TNS1: variants seen among roughly 807,000 people sequenced by gnomAD.
TNS1 encodes the protein tensin-1.
Under a neutral mutation model 168.6 loss-of-function variants are expected in TNS1, and 62 were observed. That is an observed-to-expected ratio of 0.37 (90% CI 0.30 to 0.45). The LOEUF (loss-of-function observed/expected upper bound fraction) is 0.45, where lower values mean the gene tolerates loss of function less well. TNS1 is among the 20% of genes least tolerant of loss of function. The pLI is 1.00. For missense variants in TNS1, 2,240 were observed against 2,339.4 expected (o/e 0.96, Z 0.88); for synonymous variants, 934 against 933.2 (o/e 1.00, Z -0.02).
intron 1 of TNS1, among the ~76,000 whole-genome samples, chr2:217,993,658 G>A (rs952863579): frequency 2.6e-5 from 4 of 152,242 alleles, no homozygotes; most frequent in Non-Finnish European, 5.9e-5. Flanking sequence ...GCAACCGAAA[G>A]TAACGGCGGC....
At chr2:217,814,520 T>C (rs1035302447) in intron 25 of TNS1, among the ~76,000 whole-genome samples, 1 of 152,220 alleles carries the variant, frequency 6.6e-6, no homozygotes, top group African/African-American at 2.4e-5. Context: ...CTGCCGTTGC[T>C]GACCCCTGTC....
chr2:217,882,336 C>T lies in TNS1; in HGVS notation c.1312+10G>A, dbSNP rs747590402. Reference sequence around the variant, plus strand: ...AGGAGTGAGAGAATGAATTCTAACTCGGCTTATACCTTGAATTTTCTCTGG... The same window carrying T: ...AGGAGTGAGAGAATGAATTCTAACTTGGCTTATACCTTGAATTTTCTCTGG... On this transcript the variant is annotated intron_variant, in intron 17 of 32. Transcript: ENST00000682258. 1.3e-5 allele frequency: 21 copies of T among 1,584,350 alleles called. No individual in the cohort carries two copies. The highest frequency in any genetic ancestry group is 6.7e-5 in the East Asian group (3 of 44,472).
chr2:217,863,966 C>A (rs553186004), intron 18 of TNS1, among the ~76,000 whole-genome samples: 33 of 152,284 alleles, frequency 2.2e-4, no homozygotes, highest in African/African-American at 5.8e-4. Flanking sequence ...ACAGGGCCAT[C>A]GGAGCAGGAC....
At chr2:217,960,897 T>C (rs1158753230) in intron 3 of TNS1, among the ~76,000 whole-genome samples, 1 of 152,072 alleles carries the variant, frequency 6.6e-6, no homozygotes, top group Non-Finnish European at 1.5e-5. Flanking sequence ...ACTCCTCTAC[T>C]GAATCACGAA....
chr2:217,851,503 C>T lies in TNS1; in HGVS notation c.1430-2416G>A, dbSNP rs552483710. 1.1e-3 allele frequency among the ~76,000 whole-genome samples: 163 copies of T among 151,968 alleles called. 1 individual carries two copies. Among genetic ancestry groups the T allele is most frequent in the South Asian group, 5.6e-3 (27 of 4,790 alleles). The stretch of plus-strand genomic sequence containing the variant: ...AGGGACTGGATGCCCTCCTCATTTA[C>T]TGACCTCTCCAGATCCACCCCTCTG... On this transcript the variant is annotated intron_variant, in intron 18 of 32. Transcript: ENST00000682258.
chr2:217,988,428 A>G (rs1308410784), intron 2 of TNS1, among the ~76,000 whole-genome samples: 51 of 152,164 alleles, frequency 3.4e-4, no homozygotes, highest in Admixed American at 3.3e-3. Context: ...AAGGTCACAC[A>G]GTGAATGTTG....
chr2:217,842,867 G>A (rs1333916044), intron 19 of TNS1, among the ~76,000 whole-genome samples: 2 of 152,076 alleles, frequency 1.3e-5, no homozygotes, highest in East Asian at 3.9e-4. Flanking sequence ...ATCTCTCGCT[G>A]CCCAGCCCTG....
intron 4 of TNS1, among the ~76,000 whole-genome samples, chr2:217,917,695 G>A (rs1955186977): frequency 1.3e-5 from 2 of 152,000 alleles, no homozygotes; most frequent in Non-Finnish European, 2.9e-5. Context: ...GCAAGGTGTG[G>A]TGCCGTGCGC....
chr2:217,875,155 T>G (rs1950103565), intron 18 of TNS1, among the ~76,000 whole-genome samples: 2 of 152,206 alleles, frequency 1.3e-5, no homozygotes, highest in South Asian at 4.1e-4. Flanking sequence ...ACCTACAAGA[T>G]GAAGCTGCCC....
intron 1 of TNS1, among the ~76,000 whole-genome samples, chr2:218,001,434 C>T (rs572208355): frequency 6.6e-6 from 1 of 152,216 alleles, no homozygotes; most frequent in South Asian, 2.1e-4. Flanking sequence ...TCTATAGAGC[C>T]CTCTCTCCAG....
intron 18 of TNS1, among the ~76,000 whole-genome samples, chr2:217,857,394 C>T (rs1432757691): frequency 6.6e-6 from 1 of 152,186 alleles, no homozygotes; most frequent in Non-Finnish European, 1.5e-5. Flanking sequence ...CTATTCAGTG[C>T]TCTTGTCCCT....
intron 22 of TNS1, chr2:217,829,770 A>C: frequency 1.3e-6 from 2 of 1,530,154 alleles, no homozygotes; most frequent in Non-Finnish European, 1.8e-6. Flanking sequence ...GCCTCCAGCC[A>C]GCCTCTTCAA....
At chr2:217,825,128 C>T (rs544424895) in intron 22 of TNS1, among the ~76,000 whole-genome samples, 67 of 152,366 alleles carry the variant, frequency 4.4e-4, no homozygotes, top group Middle Eastern at 3.4e-3. Flanking sequence ...AATTCACTGA[C>T]GTCGCTCCTG....
chr2:217,844,422 C>T (rs929936), intron 19 of TNS1, among the ~76,000 whole-genome samples: 64,339 of 151,898 alleles, frequency 0.42, 15,324 homozygotes, highest in African/African-American at 0.66. Context: ...CTCCTTAGTC[C>T]GGTATTTAAG....
At chr2:217,915,172 G>A (rs1954863311) in intron 4 of TNS1, among the ~76,000 whole-genome samples, 1 of 152,222 alleles carries the variant, frequency 6.6e-6, no homozygotes, top group African/African-American at 2.4e-5. Context: ...GCTGACTGAA[G>A]TGACTGCACA....
chr2:217,898,867 G>T (rs1575002598), intron 7 of TNS1, among the ~76,000 whole-genome samples: 5 of 152,278 alleles, frequency 3.3e-5, no homozygotes, highest in Admixed American at 2.0e-4. Context: ...GGTCCAGGAT[G>T]CCCACTTGGG....
At chr2:217,840,665 C>T (rs557972957) in intron 19 of TNS1, among the ~76,000 whole-genome samples, 54 of 152,352 alleles carry the variant, frequency 3.5e-4, no homozygotes, top group African/African-American at 1.2e-3. Flanking sequence ...GGGGCTGGGG[C>T]ACCACTCTGT....
intron 21 of TNS1, among the ~76,000 whole-genome samples, chr2:217,832,266 G>A (rs892339203): frequency 1.3e-5 from 2 of 152,204 alleles, no homozygotes; most frequent in African/African-American, 4.8e-5. Flanking sequence ...CGAAGCCTGG[G>A]CTCCTCCCAG....
rs376800258 is a variant in TNS1 at position 217,905,289 on chromosome 2, T to C, written c.321+1046A>G. 1.9e-4 allele frequency: 70 copies of C among 373,098 alleles called. 1 individual carries two copies. In the East Asian group the frequency reaches 2.2e-3, roughly 12 times the overall value. The allele number at this position is 373,098 out of a possible 1,614,324, so 23.1% of individuals were successfully genotyped here. On this transcript the variant is annotated intron_variant, in intron 6 of 32. Transcript: ENST00000682258. ...AGTACCCCACGCCCAGGGGAACTCA[T>C]GCATACCTTGAGCAGAACCTTCCCC...
Sources: gnomAD v4.1 joint callset for allele counts (sites outside exome capture counted in the v4.1 genomes callset) on GRCh38, gnomAD v4.1.1 for gene constraint, MANE v1.5 for transcripts, NCBI Gene and HGNC (gene_info 2026-07-23, HGNC 2026-07-21) for gene names.